Variants in CEACAM5 observed in about 807,000 individuals in gnomAD.
CEACAM5 encodes cell adhesion molecule CEACAM5.
A neutral mutation model predicts 63.0 loss-of-function variants in CEACAM5; 52 were observed. The ratio of observed to expected loss-of-function variants is 0.83; its 90% CI spans 0.66 to 1.04. The LOEUF is 1.04. CEACAM5 is among the 50% of genes least tolerant of loss of function. The probability of loss-of-function intolerance (pLI) is 0.00; values close to 1 mark genes in which losing one functional copy is unlikely to be tolerated. For missense variants in CEACAM5, 790 were observed against 864.8 expected (o/e 0.91, Z 1.08); for synonymous variants, 357 against 351.3 (o/e 1.02, Z -0.18).
intron 1 of CEACAM5, among the ~76,000 whole-genome samples, 178 bp from the exon 2 acceptor site, chr19:41,709,501 GA>G (rs2072396937): frequency 6.6e-6 from 1 of 150,974 alleles, no homozygotes; most frequent in Admixed American, 6.6e-5. Flanking sequence ...AGGTGCTAAG[GA>G]AATAGGAGAC....
chr19:41,715,615 C>A (rs2072512733), intron 3 of CEACAM5, 35 bp from the exon 4 acceptor site: 4 of 1,612,094 alleles, frequency 2.5e-6, no homozygotes, highest in Non-Finnish European at 2.5e-6. Flanking sequence ...TTCCCTCTGA[C>A]AATATCACCT....
At chr19:41,712,471 CT>C (rs1555814232) in intron 2 of CEACAM5, among the ~76,000 whole-genome samples, 1 of 152,234 alleles carries the variant, frequency 6.6e-6, no homozygotes, top group Non-Finnish European at 1.5e-5. Flanking sequence ...GGCTTCTCCT[CT>C]TTTTGCCTAA....
At chr19:41,726,754 T>C (rs1365637753) in intron 8 of CEACAM5, among the ~76,000 whole-genome samples, 5 of 151,810 alleles carry the variant, frequency 3.3e-5, no homozygotes, top group Non-Finnish European at 5.9e-5. Flanking sequence ...AGAAGCAGAG[T>C]CCCCCAGAAC....
chr19:41,716,902 TG>T (rs1463351357), intron 4 of CEACAM5, among the ~76,000 whole-genome samples: 4 of 152,246 alleles, frequency 2.6e-5, no homozygotes, highest in African/African-American at 7.2e-5. Flanking sequence ...ATCAAACTCC[TG>T]GGCAGAGCTG....
chr19:41,714,587 T>G (rs565355251), intron 2 of CEACAM5, among the ~76,000 whole-genome samples: 1 of 152,148 alleles, frequency 6.6e-6, no homozygotes, highest in Non-Finnish European at 1.5e-5. Flanking sequence ...GGAAACAAAG[T>G]AGGACTGAAG....
intron 2 of CEACAM5, among the ~76,000 whole-genome samples, chr19:41,713,249 GA>G (rs1192267208): frequency 2.0e-5 from 3 of 152,056 alleles, no homozygotes; most frequent in Non-Finnish European, 4.4e-5. Flanking sequence ...AGGTTGCAGT[GA>G]GCTGAGATCG....
intron 8 of CEACAM5, among the ~76,000 whole-genome samples, chr19:41,726,084 T>C (rs1555817074): frequency 6.6e-6 from 1 of 152,226 alleles, no homozygotes; most frequent in Non-Finnish European, 1.5e-5. Flanking sequence ...AACAGTATTG[T>C]TTTAAAGATT....
chr19:41,720,786 C>A, intron 7 of CEACAM5, 136 bp from the exon 8 acceptor site: 1 of 1,155,680 alleles, frequency 8.7e-7, no homozygotes, highest in Non-Finnish European at 1.2e-6. Context: ...AGGCGTGAGC[C>A]ACCGCACCCG....
chr19:41,728,797 A>AG, intron 9 of CEACAM5, among the ~76,000 whole-genome samples: 1 of 151,594 alleles, frequency 6.6e-6, no homozygotes, highest in East Asian at 1.9e-4. Flanking sequence ...AAAAAAAAAA[A>AG]AAAAAAAAGA....
At chr19:41,709,321 G>C (rs569702888) in intron 1 of CEACAM5, among the ~76,000 whole-genome samples, 10 of 152,182 alleles carry the variant, frequency 6.6e-5, no homozygotes, top group African/African-American at 9.7e-5. Context: ...GCCCTGGAGG[G>C]AATAGAGCAG....
chr19:41,720,290 A>C, intron 7 of CEACAM5, 82 bp downstream of exon 7: 6 of 1,480,948 alleles, frequency 4.1e-6, no homozygotes, highest in Non-Finnish European at 4.6e-6. Context: ...AGTTCTCCTC[A>C]GGTCCAAAGA....
intron 6 of CEACAM5, among the ~76,000 whole-genome samples, chr19:41,719,286 G>GT (rs2072579229): frequency 6.6e-6 from 1 of 152,208 alleles, no homozygotes; most frequent in South Asian, 2.1e-4. Context: ...TATGTATGCA[G>GT]TTTAGTAGCA....
rs1555815887 is a variant in CEACAM5, at chr19:41,720,152, G to A, written c.1715G>A (p.Gly572Glu). 2 of 1,614,250 alleles carry A rather than the reference G, an allele frequency of 1.2e-6. No individual in the cohort carries two copies. The highest frequency in any genetic ancestry group is 2.2e-5 in the South Asian group (2 of 91,092). ...AATGACGCAAGAGCCTATGTATGTG[G>A]AATCCAGAACTCAGTGAGTGCAAAC... ...TRNDARAYVC[G>E]IQNSVSANRS... is the part of the protein sequence containing the mutation. Residue 572 changes from glycine to glutamate, a missense_variant, in exon 7 of 10, where the codon GGA (glycine) becomes GAA (glutamate). Transcript: ENST00000221992.
At chr19:41,719,280 T>C (rs1555815684) in intron 6 of CEACAM5, among the ~76,000 whole-genome samples, 1 of 152,226 alleles carries the variant, frequency 6.6e-6, no homozygotes, top group African/African-American at 2.4e-5. Context: ...CCTTTCTATG[T>C]ATGCAGTTTA....
chr19:41,713,520 A>G (rs2072469864), intron 2 of CEACAM5, among the ~76,000 whole-genome samples: 1 of 152,190 alleles, frequency 6.6e-6, no homozygotes, highest in Non-Finnish European at 1.5e-5. Flanking sequence ...TGAACAGCAG[A>G]TCCCTAGAAC....
chr19:41,717,349 G>T, intron 4 of CEACAM5, 106 bp from the exon 5 acceptor site: 1 of 1,215,632 alleles, frequency 8.2e-7, no homozygotes, highest in Non-Finnish European at 1.2e-6. Context: ...AGCTTTTAAG[G>T]ACTCAGTTGG....
intron 8 of CEACAM5, among the ~76,000 whole-genome samples, chr19:41,723,945 T>C (rs2072663059): frequency 2.1e-5 from 2 of 93,826 alleles, no homozygotes. Flanking sequence ...CGAGACTCTG[T>C]CAAAAAAAAA....
At position 41,709,960 on chromosome 19, in the gene CEACAM5, T is replaced by C; in HGVS notation, c.345T>C (p.Asn115=). 1 of 1,613,964 alleles carries C rather than the reference T, an allele frequency of 6.2e-7. No individual in the cohort carries two copies. The highest frequency in any genetic ancestry group is 8.5e-7 in the Non-Finnish European group (1 of 1,179,934). ...TGCTGATCCAGAACATCATCCAGAATGACACAGGATTCTACACCCTACACG... is the reference window on the plus strand; with the variant it reads ...TGCTGATCCAGAACATCATCCAGAACGACACAGGATTCTACACCCTACACG... The part of the protein sequence containing the change: ...ASLLIQNIIQ[N]DTGFYTLHVI... The change falls in exon 2 of 10, where the codon AAT becomes AAC. Residue 115 remains asparagine, a synonymous_variant. Transcript: ENST00000221992.
intron 2 of CEACAM5, among the ~76,000 whole-genome samples, chr19:41,713,745 C>T (rs1394033564): frequency 6.6e-6 from 1 of 152,238 alleles, no homozygotes; most frequent in East Asian, 1.9e-4. Flanking sequence ...AAAACTTCTT[C>T]TCAAAGTTCT....
Sources: gnomAD v4.1 joint callset for allele counts (sites outside exome capture counted in the v4.1 genomes callset) on GRCh38, gnomAD v4.1.1 for gene constraint, MANE v1.5 for transcripts, NCBI Gene and HGNC (gene_info 2026-07-23, HGNC 2026-07-21) for gene names.